Variants in RORA observed in about 807,000 individuals in gnomAD.
RORA encodes RAR related orphan receptor A.
In RORA, 7 loss-of-function variants were observed where a neutral mutation model predicts 69.5. That is an observed-to-expected ratio of 0.10 (90% CI 0.06 to 0.19). The LOEUF is 0.19. Ranked by LOEUF, RORA falls within the 10% of genes least tolerant of loss-of-function variation. RORA has a pLI of 1.00. For synonymous variants in RORA, 261 were observed against 240.8 expected, an observed-to-expected ratio of 1.08 and a Z score of -0.78; for missense variants, 457 against 663.0, an observed-to-expected ratio of 0.69 and a Z score of 3.41.
chr15:60,927,922 C>T (rs976791690), intron 1 of RORA, among the ~76,000 whole-genome samples: 2 of 152,194 alleles, frequency 1.3e-5, no homozygotes, highest in African/African-American at 4.8e-5. Context: ...TGGCTATTGA[C>T]AGTGTCTGGA....
At chr15:60,621,419 G>A (rs544425492) in intron 2 of RORA, among the ~76,000 whole-genome samples, 185 of 152,148 alleles carry the variant, frequency 1.2e-3, no homozygotes, top group African/African-American at 4.1e-3. Flanking sequence ...GGCTATAACC[G>A]GGGCACACAC....
At chr15:61,133,507 G>A (rs1038278144) in intron 1 of RORA, among the ~76,000 whole-genome samples, 4 of 152,186 alleles carry the variant, frequency 2.6e-5, no homozygotes, top group Admixed American at 2.6e-4. Flanking sequence ...GAAACCCGGA[G>A]AGTTGAGGGC....
At chr15:60,901,967 C>G (rs185958863) in intron 1 of RORA, among the ~76,000 whole-genome samples, 2 of 152,280 alleles carry the variant, frequency 1.3e-5, no homozygotes, top group East Asian at 3.9e-4. Context: ...TCCTGGCACC[C>G]CTTTGAGGCC....
intron 1 of RORA, among the ~76,000 whole-genome samples, chr15:60,977,221 GT>G (rs1893900193): frequency 1.3e-5 from 2 of 151,680 alleles, no homozygotes; most frequent in Non-Finnish European, 2.9e-5. Context: ...TATATATTTA[GT>G]TTGAGGTACT....
chr15:60,732,328 C>T (rs948316272), intron 1 of RORA, among the ~76,000 whole-genome samples: 1 of 152,070 alleles, frequency 6.6e-6, no homozygotes, highest in Non-Finnish European at 1.5e-5. Flanking sequence ...AAGGTAGGTG[C>T]GGGTGAGCCA....
intron 1 of RORA, among the ~76,000 whole-genome samples, chr15:61,199,192 A>AT (rs1201382632): frequency 6.6e-6 from 1 of 152,082 alleles, no homozygotes; most frequent in African/African-American, 2.4e-5. Context: ...AAAATGCCTC[A>AT]TTTTCAAAGC....
At chr15:60,600,261 C>A (rs1023637765) in intron 2 of RORA, among the ~76,000 whole-genome samples, 1 of 152,214 alleles carries the variant, frequency 6.6e-6, no homozygotes, top group Non-Finnish European at 1.5e-5. Context: ...AAATCCAAAT[C>A]TCGCAGCTAG....
At chr15:60,908,731 A>G (rs1891616602) in intron 1 of RORA, among the ~76,000 whole-genome samples, 1 of 152,140 alleles carries the variant, frequency 6.6e-6, no homozygotes, top group African/African-American at 2.4e-5. Context: ...AATGCAGGCT[A>G]AATATTAAGC....
At chr15:60,647,035 G>T (rs913876789) in intron 2 of RORA, among the ~76,000 whole-genome samples, 4 of 152,222 alleles carry the variant, frequency 2.6e-5, no homozygotes, top group Admixed American at 2.0e-4. Context: ...AGCAAGAGAT[G>T]TAACTAGCTA....
chr15:60,834,926 T>TA (rs1180033011), intron 1 of RORA, among the ~76,000 whole-genome samples: 1 of 151,864 alleles, frequency 6.6e-6, no homozygotes, highest in Non-Finnish European at 1.5e-5. Context: ...AAAAAAAAAC[T>TA]ATCTTTGTTT....
intron 2 of RORA, chr15:60,627,404 G>A: frequency 1.2e-6 from 2 of 1,613,696 alleles, no homozygotes; most frequent in Non-Finnish European, 1.7e-6. Context: ...TCTGCCTCCA[G>A]AAACTGGGGC....
chr15:60,678,789 G>T, intron 1 of RORA, 103 bp from the exon 2 acceptor site: 1 of 971,738 alleles, frequency 1.0e-6, no homozygotes, highest in Non-Finnish European at 1.6e-6. Flanking sequence ...TAGTTCAGAT[G>T]GGGAAGTGGA....
In RORA at chr15:60,526,987, C is replaced by T. The variant is rs369184753; in HGVS notation, c.282+4779G>A. On this transcript the variant is annotated intron_variant, in intron 3 of 10. Coordinates refer to ENST00000335670, the MANE Select transcript of RORA (RefSeq NM_134261.3). ...TTGTTTAAGAAAATATATTTGTTAACGCAGAGACATTGTCTCAAATTATCT... is the reference window on the plus strand; with the variant it reads ...TTGTTTAAGAAAATATATTTGTTAATGCAGAGACATTGTCTCAAATTATCT... Among the ~76,000 whole-genome samples, 6 of 152,100 alleles carry T rather than the reference C, an allele frequency of 3.9e-5. No individual in the cohort carries two copies. In the South Asian group the frequency reaches 8.3e-4, roughly 21 times the overall value.
intron 1 of RORA, among the ~76,000 whole-genome samples, chr15:61,020,999 A>G (rs1174240415): frequency 6.6e-6 from 1 of 152,220 alleles, no homozygotes; most frequent in Non-Finnish European, 1.5e-5. Context: ...CTGGGGGCAG[A>G]TGGCTTTGTG....
intron 9 of RORA, 41 bp downstream of exon 9, chr15:60,500,918 A>G (rs371872837): frequency 1.7e-6 from 2 of 1,162,466 alleles, no homozygotes; most frequent in Non-Finnish European, 2.5e-6. Context: ...TTTATCTTAG[A>G]CAATTCGAAA....
intron 2 of RORA, among the ~76,000 whole-genome samples, chr15:60,590,199 C>CTCTT (rs1251309664): frequency 1.3e-5 from 2 of 151,756 alleles, no homozygotes; most frequent in Admixed American, 6.6e-5. Context: ...CTCTCTCTCT[C>CTCTT]TTTCAGGCAG....
At chr15:61,189,787 G>T (rs1209687142) in intron 1 of RORA, among the ~76,000 whole-genome samples, 5 of 147,538 alleles carry the variant, frequency 3.4e-5, no homozygotes, top group Non-Finnish European at 7.4e-5. Context: ...AACCCAGGAG[G>T]CGGAGCTTGC....
intron 1 of RORA, among the ~76,000 whole-genome samples, chr15:61,172,951 T>C (rs1226008447): frequency 6.6e-6 from 1 of 152,192 alleles, no homozygotes; most frequent in Admixed American, 6.5e-5. Flanking sequence ...GTTATTACTA[T>C]TTCCTGAGTT....
At chr15:60,950,004 A>C (rs1893033873) in intron 1 of RORA, among the ~76,000 whole-genome samples, 1 of 152,048 alleles carries the variant, frequency 6.6e-6, no homozygotes, top group African/African-American at 2.4e-5. Context: ...ACCAAAGTTG[A>C]AATGAAGGAA....
Sources: allele counts gnomAD v4.1 joint callset (sites outside exome capture counted in the v4.1 genomes callset), GRCh38; gene constraint gnomAD v4.1.1; transcripts MANE v1.5; gene names NCBI Gene and HGNC (gene_info 2026-07-23, HGNC 2026-07-21).